Variants in FGD4 observed in about 807,000 individuals in gnomAD.
FGD4 encodes the protein FYVE, RhoGEF and PH domain-containing protein 4.
Under a neutral mutation model 102.0 loss-of-function variants are expected in FGD4, and 42 were observed. The ratio of observed to expected loss-of-function variants is 0.41; its 90% CI spans 0.32 to 0.53. The LOEUF (loss-of-function observed/expected upper bound fraction) is 0.53, where lower values mean the gene tolerates loss of function less well. FGD4 is among the 20% of genes least tolerant of loss of function. The pLI, the probability that FGD4 is intolerant of heterozygous loss-of-function variation, is 0.21. For missense variants in FGD4, 902 were observed against 1,078.2 expected (o/e 0.84, Z 2.29); for synonymous variants, 380 against 375.7 (o/e 1.01, Z -0.13).
intron 1 of FGD4, among the ~76,000 whole-genome samples, chr12:32,430,220 A>T (rs905026422): frequency 6.6e-6 from 1 of 152,004 alleles, no homozygotes; most frequent in Non-Finnish European, 1.5e-5. Context: ...AGGCAGGAGA[A>T]TTGCTTGAAC....
chr12:32,481,563 C>G (rs1943766262), intron 1 of FGD4, among the ~76,000 whole-genome samples: 1 of 152,184 alleles, frequency 6.6e-6, no homozygotes, highest in Non-Finnish European at 1.5e-5. Flanking sequence ...TGGCTCACGC[C>G]TGTAATCCCA....
chr12:32,435,625 AT>A (rs747160684), intron 1 of FGD4, among the ~76,000 whole-genome samples: 5 of 151,732 alleles, frequency 3.3e-5, no homozygotes, highest in Non-Finnish European at 7.4e-5. Context: ...TTTTTGGTGC[AT>A]TATGACACTT....
At chr12:32,444,440 T>C (rs184080482) in intron 1 of FGD4, among the ~76,000 whole-genome samples, 74 of 152,296 alleles carry the variant, frequency 4.9e-4, no homozygotes, top group African/African-American at 1.8e-3. Flanking sequence ...TTTTTGCTCT[T>C]GTTGCTCAGG....
At chr12:32,474,648 G>T (rs1040968272) in intron 1 of FGD4, among the ~76,000 whole-genome samples, 4 of 152,218 alleles carry the variant, frequency 2.6e-5, no homozygotes, top group Admixed American at 1.3e-4. Flanking sequence ...GGTGGCTCAT[G>T]CCTGTAATCC....
intron 1 of FGD4, among the ~76,000 whole-genome samples, chr12:32,452,692 G>A (rs1229211902): frequency 6.6e-6 from 1 of 152,112 alleles, no homozygotes; most frequent in Non-Finnish European, 1.5e-5. Context: ...AGTGTATTAT[G>A]GTAAAGAATA....
At chr12:32,557,981 G>A (rs73100131) in intron 1 of FGD4, among the ~76,000 whole-genome samples, 1 of 152,022 alleles carries the variant, frequency 6.6e-6, no homozygotes, top group Non-Finnish European at 1.5e-5. Context: ...GCCGACCAGG[G>A]TTAACATCAC....
chr12:32,600,190 A>C (rs928838184), intron 5 of FGD4, among the ~76,000 whole-genome samples: 7 of 152,242 alleles, frequency 4.6e-5, no homozygotes, highest in Non-Finnish European at 8.8e-5. Flanking sequence ...TGTACCTTTG[A>C]AACAACTTTC....
At position 32,582,476 on chromosome 12, in the gene FGD4, T is replaced by C. The variant is rs1340830892; in HGVS notation, c.1011+9T>C. On this transcript the variant is annotated intron_variant, in intron 4 of 16. Transcript: ENST00000534526. ...AGCACCATGAGATGAAGGTAGAGCA[T>C]GAGACTAGCTCATGAGCAGGGAAAA... 1 of 1,607,696 alleles carries C rather than the reference T, an allele frequency of 6.2e-7. No homozygotes were observed. The highest frequency in any genetic ancestry group is 1.1e-5 in the South Asian group (1 of 91,092).
At chr12:32,453,237 A>ATATT (rs768366013) in intron 1 of FGD4, among the ~76,000 whole-genome samples, 6,304 of 90,386 alleles carry the variant, frequency 0.07, 376 homozygotes, top group Non-Finnish European at 0.098. Flanking sequence ...ATATATATAT[A>ATATT]TTTTTTTTTT....
At position 32,488,175 on chromosome 12, in the gene FGD4, G is replaced by GA. The variant is rs79163316; in HGVS notation, c.167-75948dup. Among the ~76,000 whole-genome samples the GA allele has an allele frequency of 8.7e-3, 1,183 of 135,462 alleles. 6 individuals carry two copies. The highest frequency in any genetic ancestry group is 0.015 in the South Asian group (62 of 4,272). The allele number at this position is 135,462 out of a possible 152,430, so 88.9% of individuals were successfully genotyped here. On this transcript the variant is annotated intron_variant, in intron 1 of 16. Coordinates refer to ENST00000534526, the MANE Select transcript of FGD4 (RefSeq NM_001370298.3). Reference sequence around the variant, plus strand: ...ATTTTCCCGAATAATTCAGCCACAGGAAAAAAAAAAAAAAGACAGAGAAAA... The same window carrying GA: ...ATTTTCCCGAATAATTCAGCCACAGGAAAAAAAAAAAAAAAGACAGAGAAAA...
chr12:32,598,548 G>A lies in FGD4; in HGVS notation c.1063G>A (p.Glu355Lys). ...AATAGCCAATGAACTTTTGCTTACT[G>A]AAAGAGCTTATGTCAACCGACTTGA... ...HKIANELLLT[E>K]RAYVNRLDLL... Residue 355 changes from glutamate to lysine, a missense_variant, in exon 5 of 17, where the codon GAA becomes AAA. Around this residue, in one of 2 missense-constraint regions of FGD4, gnomAD observed 443 missense variants for 459.2 expected, o/e 0.96. Coordinates refer to ENST00000534526, the MANE Select transcript of FGD4 (RefSeq NM_001370298.3). The A allele has an allele frequency of 1.9e-6, 3 of 1,613,584 alleles. No individual in the cohort carries two copies. Among genetic ancestry groups the A allele is most frequent in the African/African-American group, 1.3e-5 (1 of 75,028 alleles).
chr12:32,584,599 CCA>C (rs1491250441), intron 4 of FGD4, among the ~76,000 whole-genome samples: 4 of 151,198 alleles, frequency 2.6e-5, no homozygotes, highest in African/African-American at 9.7e-5. Flanking sequence ...CCCCCCCCTC[CCA>C]AAAAAAAAGA....
At chr12:32,474,982 T>A (rs1426411113) in intron 1 of FGD4, among the ~76,000 whole-genome samples, 1 of 152,196 alleles carries the variant, frequency 6.6e-6, no homozygotes. Context: ...GTGAATATAG[T>A]AAAAACCTTG....
chr12:32,619,428 A>G (rs945468522), intron 10 of FGD4, among the ~76,000 whole-genome samples: 11 of 152,004 alleles, frequency 7.2e-5, no homozygotes, highest in Admixed American at 5.2e-4. Flanking sequence ...GGAGATCGAG[A>G]CCATCCTGGC....
chr12:32,613,274 T>G (rs1767475734), intron 10 of FGD4, among the ~76,000 whole-genome samples: 1 of 152,194 alleles, frequency 6.6e-6, no homozygotes, highest in Non-Finnish European at 1.5e-5. Flanking sequence ...AAAGGAAAAC[T>G]TAGGAACTAA....
intron 1 of FGD4, among the ~76,000 whole-genome samples, chr12:32,517,699 T>C (rs1940041181): frequency 6.6e-6 from 1 of 152,002 alleles, no homozygotes; most frequent in South Asian, 2.1e-4. Context: ...TTGAGACCAG[T>C]CTGGGCAACA....
intron 2 of FGD4, among the ~76,000 whole-genome samples, chr12:32,575,077 C>G (rs533935659): frequency 6.6e-6 from 1 of 152,230 alleles, no homozygotes; most frequent in Non-Finnish European, 1.5e-5. Context: ...TAGGGAAACT[C>G]TGTAGATTTT....
At chr12:32,546,279 G>A (rs759957494) in intron 1 of FGD4, among the ~76,000 whole-genome samples, 15 of 152,034 alleles carry the variant, frequency 9.9e-5, no homozygotes, top group Non-Finnish European at 2.1e-4. Flanking sequence ...GCTTAGGCTG[G>A]TCTCAAACTC....
At chr12:32,453,226 G>T (rs12372377) in intron 1 of FGD4, among the ~76,000 whole-genome samples, 2,539 of 57,764 alleles carry the variant, frequency 0.044, 54 homozygotes, top group South Asian at 0.074. Flanking sequence ...ATATAATATA[G>T]ATATATATAT....
Sources: allele counts gnomAD v4.1 joint callset (sites outside exome capture counted in the v4.1 genomes callset), GRCh38; gene constraint gnomAD v4.1.1; regional missense constraint gnomAD v4.1.1; transcripts MANE v1.5; gene names NCBI Gene and HGNC (gene_info 2026-07-23, HGNC 2026-07-21).